CNTLN: variants seen among roughly 807,000 people sequenced by gnomAD.
CNTLN encodes the protein centlein, centrosomal protein.
Under a neutral mutation model 180.0 loss-of-function variants are expected in CNTLN, and 212 were observed. The ratio of observed to expected loss-of-function variants is 1.18; its 90% CI spans 1.05 to 1.32. The LOEUF (loss-of-function observed/expected upper bound fraction) is 1.32, where lower values mean the gene tolerates loss of function less well. Ranked by LOEUF, CNTLN falls within the 40% of genes most tolerant of loss-of-function variation. The probability of loss-of-function intolerance (pLI) is 0.00; values close to 1 mark genes in which losing one functional copy is unlikely to be tolerated. For missense variants in CNTLN, 2,095 were observed against 1,610.9 expected (o/e 1.30, Z -5.14); for synonymous variants, 722 against 563.1 (o/e 1.28, Z -3.99).
At chr9:17,272,057 C>G (rs912222198) in intron 5 of CNTLN, among the ~76,000 whole-genome samples, 8 of 128,826 alleles carry the variant, frequency 6.2e-5, no homozygotes, top group Non-Finnish European at 9.6e-5. Context: ...CTTCCTTCCT[C>G]TCTCTTTCCT....
chr9:17,248,903 T>G (rs145960756), intron 5 of CNTLN, among the ~76,000 whole-genome samples: 1 of 151,982 alleles, frequency 6.6e-6, no homozygotes, highest in Admixed American at 6.6e-5. Context: ...TATTTCTTTA[T>G]AGTTAATCAT....
At chr9:17,408,049 C>A (rs1334976231) in intron 15 of CNTLN, among the ~76,000 whole-genome samples, 3 of 148,868 alleles carry the variant, frequency 2.0e-5, no homozygotes, top group Admixed American at 6.8e-5. Flanking sequence ...ATCGCTTGAA[C>A]CCTGGAGGTG....
At chr9:17,455,958 G>A (rs1831089211) in intron 18 of CNTLN, among the ~76,000 whole-genome samples, 1 of 152,164 alleles carries the variant, frequency 6.6e-6, no homozygotes, top group African/African-American at 2.4e-5. Flanking sequence ...CTTTGATTAA[G>A]GGAATAACTG....
chr9:17,514,996 T>G, the CNTLN span, among the ~76,000 whole-genome samples: 1 of 152,242 alleles, frequency 6.6e-6, no homozygotes, highest in African/African-American at 2.4e-5. Flanking sequence ...AGGGCTACCA[T>G]GTAGCCCTGG....
At chr9:17,375,258 T>C (rs1272272018) in intron 13 of CNTLN, among the ~76,000 whole-genome samples, 1 of 152,104 alleles carries the variant, frequency 6.6e-6, no homozygotes, top group African/African-American at 2.4e-5. Flanking sequence ...AGAAGGATGG[T>C]CACCAGAGCC....
At chr9:17,463,137 C>A in intron 20 of CNTLN, 124 bp downstream of exon 20, 2 of 565,400 alleles carry the variant, frequency 3.5e-6, no homozygotes, top group South Asian at 2.6e-5. Flanking sequence ...TTTAAACCTA[C>A]CTAAGATGAA....
chr9:17,233,621 C>T lies in CNTLN; in HGVS notation c.535-2037C>T, dbSNP rs114001726. On this transcript the variant is annotated intron_variant, in intron 3 of 25. Coordinates refer to ENST00000380647, the MANE Select transcript of CNTLN (RefSeq NM_017738.4). ...TGTTCATAGCAGTATTGTTTGTATA[C>T]CCCTTTACCTCAAATGGGAAACAGC... Among the ~76,000 whole-genome samples, 867 of 152,148 alleles carry T rather than the reference C, an allele frequency of 5.7e-3. 10 individuals carry two copies. The highest frequency in any genetic ancestry group is 0.02 in the African/African-American group (832 of 41,524).
intron 6 of CNTLN, among the ~76,000 whole-genome samples, chr9:17,291,053 C>T (rs1263193997): frequency 6.6e-6 from 1 of 152,162 alleles, no homozygotes; most frequent in African/African-American, 2.4e-5. Flanking sequence ...GCCTTAATTT[C>T]ATTATATACC....
the CNTLN span, among the ~76,000 whole-genome samples, chr9:17,512,442 C>T: frequency 2.6e-5 from 4 of 152,118 alleles, no homozygotes; most frequent in East Asian, 3.9e-4. Context: ...ACCACATGTT[C>T]TCACTTTATA....
the CNTLN span, among the ~76,000 whole-genome samples, chr9:17,517,441 G>A: frequency 1.2e-4 from 18 of 151,208 alleles, no homozygotes; most frequent in South Asian, 1.3e-3. Flanking sequence ...AAAAATAAAT[G>A]AAAAAAAAGA....
chr9:17,204,687 G>A (rs985391285), intron 2 of CNTLN, among the ~76,000 whole-genome samples: 3 of 152,180 alleles, frequency 2.0e-5, no homozygotes, highest in Non-Finnish European at 2.9e-5. Context: ...TCCCTTCTCT[G>A]AACTAGTGCA....
At chr9:17,171,965 C>A (rs1820449351) in intron 2 of CNTLN, among the ~76,000 whole-genome samples, 1 of 152,126 alleles carries the variant, frequency 6.6e-6, no homozygotes, top group African/African-American at 2.4e-5. Flanking sequence ...GCTTTAAGAT[C>A]TGGGCACAGG....
intron 2 of CNTLN, among the ~76,000 whole-genome samples, chr9:17,220,899 G>A (rs959532810): frequency 3.3e-5 from 5 of 152,156 alleles, no homozygotes; most frequent in African/African-American, 1.2e-4. Flanking sequence ...CAGTGCTGCA[G>A]TGAATATATG....
At chr9:17,259,958 T>C (rs1826828454) in intron 5 of CNTLN, among the ~76,000 whole-genome samples, 2 of 137,962 alleles carry the variant, frequency 1.4e-5, no homozygotes, top group Admixed American at 7.1e-5. Flanking sequence ...TGAAGGGTTT[T>C]TTGTGTCTCT....
At chr9:17,410,537 T>C (rs1377013760) in intron 16 of CNTLN, among the ~76,000 whole-genome samples, 1 of 152,174 alleles carries the variant, frequency 6.6e-6, no homozygotes, top group Admixed American at 6.5e-5. Context: ...AACATCTCAA[T>C]TCTAATGTGG....
chr9:17,374,692 T>C (rs2133524114), intron 13 of CNTLN, among the ~76,000 whole-genome samples: 1 of 152,026 alleles, frequency 6.6e-6, no homozygotes, highest in Admixed American at 6.5e-5. Context: ...AAACTCCATC[T>C]CTCCTAAAAA....
intron 12 of CNTLN, among the ~76,000 whole-genome samples, chr9:17,344,660 T>C (rs1821736889): frequency 6.6e-6 from 1 of 152,190 alleles, no homozygotes; most frequent in Admixed American, 6.5e-5. Flanking sequence ...TGTTAAAAAC[T>C]AATGTCCAAA....
chr9:17,186,053 G>C (rs952105522), intron 2 of CNTLN, among the ~76,000 whole-genome samples: 5 of 152,124 alleles, frequency 3.3e-5, no homozygotes, highest in African/African-American at 7.2e-5. Flanking sequence ...TGGCCTCCCA[G>C]AGTGCCAGGA....
At chr9:17,356,624 A>T (rs1475599970) in intron 12 of CNTLN, among the ~76,000 whole-genome samples, 2 of 152,126 alleles carry the variant, frequency 1.3e-5, no homozygotes, top group Non-Finnish European at 2.9e-5. Context: ...GTTACATGTA[A>T]CTGAATCTGT....
Sources: allele counts gnomAD v4.1 joint callset (sites outside exome capture counted in the v4.1 genomes callset), GRCh38; gene constraint gnomAD v4.1.1; transcripts MANE v1.5; gene names NCBI Gene and HGNC (gene_info 2026-07-23, HGNC 2026-07-21).